The following TRPC6 variants were observed in gnomAD, a reference collection of about 807,000 sequenced individuals.
TRPC6 encodes transient receptor potential cation channel subfamily C member 6, also known as short transient receptor potential channel 6.
TRPC6 carries 55 observed loss-of-function variants against 90.7 expected under a neutral mutation model. That is an observed-to-expected ratio of 0.61 (90% CI 0.49 to 0.76). The LOEUF (loss-of-function observed/expected upper bound fraction) is 0.76, where lower values mean the gene tolerates loss of function less well. TRPC6 is among the 30% of genes least tolerant of loss of function. TRPC6 has a pLI of 0.00. For missense variants in TRPC6, 989 were observed against 1,122.7 expected (o/e 0.88, Z 1.70); for synonymous variants, 393 against 393.0 (o/e 1.00, Z 0.00).
chr11:101,494,589 C>A (rs560681342), intron 2 of TRPC6, among the ~76,000 whole-genome samples: 1 of 152,174 alleles, frequency 6.6e-6, no homozygotes, highest in African/African-American at 2.4e-5. Flanking sequence ...CTTTTAAAAG[C>A]AACAAAGTAA....
At chr11:101,454,207 C>T (rs1285023861) in intron 11 of TRPC6, among the ~76,000 whole-genome samples, 2 of 151,952 alleles carry the variant, frequency 1.3e-5, no homozygotes, top group South Asian at 2.1e-4. Flanking sequence ...TTTCAAGTAC[C>T]TGGGCTTCTA....
chr11:101,567,711 T>A (rs1861868197), intron 1 of TRPC6, among the ~76,000 whole-genome samples: 2 of 152,146 alleles, frequency 1.3e-5, no homozygotes, highest in South Asian at 4.1e-4. Context: ...CCGCTGGTGA[T>A]AACCCAGGCA....
intron 1 of TRPC6, among the ~76,000 whole-genome samples, chr11:101,576,354 C>A (rs1219750447): frequency 6.6e-6 from 1 of 152,188 alleles, no homozygotes; most frequent in Non-Finnish European, 1.5e-5. Context: ...AACATCATTT[C>A]TCCTCTTTGT....
chr11:101,457,889 C>G (rs559254799), intron 10 of TRPC6, among the ~76,000 whole-genome samples: 3 of 152,266 alleles, frequency 2.0e-5, no homozygotes, highest in Admixed American at 1.3e-4. Context: ...TAAATATCTA[C>G]TATGTGGCTT....
chr11:101,496,489 T>C (rs1859952736), intron 2 of TRPC6, among the ~76,000 whole-genome samples: 2 of 152,126 alleles, frequency 1.3e-5, no homozygotes, highest in Admixed American at 6.6e-5. Context: ...CACTATTCTA[T>C]AGAAAAGGTA....
chr11:101,486,978 T>G (rs1349330392), intron 4 of TRPC6, among the ~76,000 whole-genome samples: 1 of 152,148 alleles, frequency 6.6e-6, no homozygotes, highest in East Asian at 1.9e-4. Flanking sequence ...TTAATTTGAT[T>G]ATTTGCCTCA....
At chr11:101,542,929 T>C (rs568629534) in intron 1 of TRPC6, among the ~76,000 whole-genome samples, 6 of 152,250 alleles carry the variant, frequency 3.9e-5, no homozygotes, top group African/African-American at 1.4e-4. Flanking sequence ...ATTTTCAAAA[T>C]TGGTAAACAG....
At chr11:101,493,750 T>C (rs1433792182) in intron 2 of TRPC6, among the ~76,000 whole-genome samples, 1 of 152,144 alleles carries the variant, frequency 6.6e-6, no homozygotes, top group Non-Finnish European at 1.5e-5. Context: ...CAGTGTGTTG[T>C]AGGATGAAAA....
Position 101,483,224 on chromosome 11 carries a change from C to CACAT in TRPC6, c.1294-63_1294-60dup, listed in dbSNP as rs1480066799. ...TTTGTTTTGTACACTTTGCAAAACA[C>CACAT]ACATACATACATGCAAGAATAAACA... is the stretch of plus-strand genomic sequence containing the variant. On this transcript the variant is annotated intron_variant, in intron 4 of 12. Transcript: ENST00000344327. 7.3e-6 allele frequency: 11 copies of CACAT among 1,516,944 alleles called. No individual in the cohort carries two copies. The Middle Eastern group carries it at 8.5e-4, about 117-fold the overall frequency. 94.0% of individuals were successfully genotyped at this position (1,516,944 alleles called of 1,614,324 possible). A position where few individuals can be genotyped will look rare whatever the true frequency, so the allele number is the denominator to read the frequency against.
intron 1 of TRPC6, among the ~76,000 whole-genome samples, chr11:101,539,399 G>A (rs1056918386): frequency 2.0e-5 from 3 of 152,176 alleles, no homozygotes; most frequent in East Asian, 1.9e-4. Flanking sequence ...ATCTATTGCT[G>A]TGCGGAGCTA....
chr11:101,536,750 C>A (rs1861058288), intron 1 of TRPC6, among the ~76,000 whole-genome samples: 1 of 152,114 alleles, frequency 6.6e-6, no homozygotes, highest in African/African-American at 2.4e-5. Flanking sequence ...AGCATTCAGG[C>A]CGCTGTACCA....
chr11:101,556,069 G>T (rs1861554078), intron 1 of TRPC6, among the ~76,000 whole-genome samples: 1 of 152,138 alleles, frequency 6.6e-6, no homozygotes, highest in Non-Finnish European at 1.5e-5. Context: ...TGCAGCAAAA[G>T]CAGTTCTAAG....
chr11:101,558,090 A>C (rs1861599822), intron 1 of TRPC6, among the ~76,000 whole-genome samples: 1 of 151,828 alleles, frequency 6.6e-6, no homozygotes, highest in South Asian at 2.1e-4. Flanking sequence ...CATAAGCAAA[A>C]AGAATAAAAC....
chr11:101,535,704 C>G (rs1426999042), intron 1 of TRPC6, among the ~76,000 whole-genome samples: 1 of 152,070 alleles, frequency 6.6e-6, no homozygotes, highest in African/African-American at 2.4e-5. Context: ...TACCAATGAG[C>G]TTTTATTGGA....
chr11:101,583,559 T>C lies in TRPC6; in HGVS notation c.-56A>G, dbSNP rs980854362. On this transcript the variant is annotated 5_prime_UTR_variant, in exon 1 of 13. Coordinates refer to ENST00000344327, the MANE Select transcript of TRPC6 (RefSeq NM_004621.6). ...CTCCCGGGGGAGCCGAGTGGGCAGT[T>C]CCAGCGGGGACCCGGTGCGGAGGGT... 3 of 1,403,120 alleles carry C rather than the reference T, an allele frequency of 2.1e-6. No individual in the cohort carries two copies. Among genetic ancestry groups the C allele is most frequent in the Non-Finnish European group, 2.8e-6 (3 of 1,083,872 alleles). The allele number at this position is 1,403,120 out of a possible 1,614,324, so 86.9% of individuals were successfully genotyped here.
chr11:101,513,447 G>A (rs1860443090), intron 1 of TRPC6, among the ~76,000 whole-genome samples: 1 of 152,032 alleles, frequency 6.6e-6, no homozygotes, highest in Non-Finnish European at 1.5e-5. Context: ...TAAAATCTCG[G>A]AAATCATCAC....
At chr11:101,581,558 C>A (rs1368031316) in intron 1 of TRPC6, among the ~76,000 whole-genome samples, 1 of 152,168 alleles carries the variant, frequency 6.6e-6, no homozygotes, top group Non-Finnish European at 1.5e-5. Context: ...AATTTTTAGT[C>A]ACCTAGTTTA....
chr11:101,477,609 C>G (rs762062783), intron 5 of TRPC6, among the ~76,000 whole-genome samples: 6 of 152,134 alleles, frequency 3.9e-5, no homozygotes, highest in Non-Finnish European at 5.9e-5. Context: ...TGAGATCAGG[C>G]TACCATGGAT....
In TRPC6 at chr11:101,504,629, C is replaced by G. The variant is rs200841275; in HGVS notation, c.340G>C (p.Val114Leu). 2 of 1,612,400 alleles carry G rather than the reference C, an allele frequency of 1.2e-6. No homozygotes were observed. The highest frequency in any genetic ancestry group is 1.7e-6 in the Non-Finnish European group (2 of 1,178,838). ...DAAEYGNIPVVRKMLEECHSL... is the reference protein window; with the variant it reads ...DAAEYGNIPVLRKMLEECHSL... Reference sequence around the variant, plus strand: ...TGGCATTCTTCTAACATCTTCCGCACCACTGGGATGTTACCATATTCAGCT... The same window carrying G: ...TGGCATTCTTCTAACATCTTCCGCAGCACTGGGATGTTACCATATTCAGCT... Residue 114 changes from valine to leucine, a missense_variant, in exon 2 of 13, where the codon GTG becomes CTG. This residue lies in a region of TRPC6 where 486 missense variants were observed against 591.9 expected (regional missense o/e 0.82). Transcript: ENST00000344327.
Sources: allele counts gnomAD v4.1 joint callset (sites outside exome capture counted in the v4.1 genomes callset), GRCh38; gene constraint gnomAD v4.1.1; regional missense constraint gnomAD v4.1.1; transcripts MANE v1.5; gene names NCBI Gene and HGNC (gene_info 2026-07-23, HGNC 2026-07-21).